CNTNAP2: variants seen among roughly 807,000 people sequenced by gnomAD.
The protein encoded by CNTNAP2 is contactin associated protein 2, also known as contactin-associated protein-like 2.
Under a neutral mutation model 155.2 loss-of-function variants are expected in CNTNAP2, and 98 were observed. The ratio of observed to expected loss-of-function variants is 0.63; its 90% CI spans 0.54 to 0.75. The LOEUF is 0.75. Ranked by LOEUF, CNTNAP2 falls within the 30% of genes least tolerant of loss-of-function variation. The pLI is 0.00. For missense variants in CNTNAP2, 1,727 were observed against 1,688.1 expected (o/e 1.02, Z -0.40); for synonymous variants, 651 against 631.2 (o/e 1.03, Z -0.47).
At chr7:148,301,669 T>G (rs1441667775) in intron 21 of CNTNAP2, among the ~76,000 whole-genome samples, 3 of 152,194 alleles carry the variant, frequency 2.0e-5, no homozygotes, top group Non-Finnish European at 2.9e-5. Context: ...TTTGTGGAGA[T>G]AGAACTGGAC....
intron 3 of CNTNAP2, among the ~76,000 whole-genome samples, chr7:146,999,419 A>T: frequency 6.6e-6 from 1 of 151,852 alleles, no homozygotes; most frequent in East Asian, 1.9e-4. Flanking sequence ...GTCATATTAA[A>T]ATGTTTGGTT....
intron 3 of CNTNAP2, among the ~76,000 whole-genome samples, chr7:147,022,596 C>T (rs571176339): frequency 7.1e-6 from 1 of 141,630 alleles, no homozygotes; most frequent in Non-Finnish European, 1.5e-5. Flanking sequence ...TATACACATA[C>T]ACAAACACAT....
intron 1 of CNTNAP2, among the ~76,000 whole-genome samples, chr7:146,292,802 G>A (rs568776656): frequency 2.0e-4 from 30 of 152,154 alleles, no homozygotes; most frequent in Non-Finnish European, 4.3e-4. Flanking sequence ...ATACTCTCAC[G>A]TATATGTGGA....
At chr7:147,455,315 A>G (rs1797901405) in intron 10 of CNTNAP2, among the ~76,000 whole-genome samples, 1 of 152,164 alleles carries the variant, frequency 6.6e-6, no homozygotes, top group Non-Finnish European at 1.5e-5. Context: ...GAACAAAGGT[A>G]CAATTATTAC....
chr7:146,612,881 G>A (rs1799161110), intron 1 of CNTNAP2, among the ~76,000 whole-genome samples: 1 of 148,200 alleles, frequency 6.7e-6, no homozygotes, highest in Non-Finnish European at 1.5e-5. Context: ...CTTGTTCAAT[G>A]TTGTTTAATC....
intron 1 of CNTNAP2, among the ~76,000 whole-genome samples, chr7:146,412,071 G>T (rs1795874556): frequency 6.6e-6 from 1 of 152,060 alleles, no homozygotes; most frequent in African/African-American, 2.4e-5. Flanking sequence ...GACCTCCAGT[G>T]ATCCACTCAC....
intron 4 of CNTNAP2, among the ~76,000 whole-genome samples, chr7:147,050,429 T>G (rs534752804): frequency 1.3e-5 from 2 of 152,320 alleles, no homozygotes; most frequent in East Asian, 1.9e-4. Flanking sequence ...ACATCGAAAC[T>G]AATTTTTATA....
intron 18 of CNTNAP2, among the ~76,000 whole-genome samples, chr7:148,181,654 G>A (rs560163627): frequency 1.0e-4 from 15 of 148,724 alleles, no homozygotes; most frequent in South Asian, 2.1e-4. Context: ...CAAGTCCTCC[G>A]TAAACTGTTC....
intron 4 of CNTNAP2, among the ~76,000 whole-genome samples, chr7:147,078,018 C>T (rs1204985425): frequency 6.6e-6 from 1 of 152,170 alleles, no homozygotes; most frequent in Non-Finnish European, 1.5e-5. Context: ...TTGTCTATGA[C>T]ATCTGATATA....
chr7:148,000,732 C>G (rs376714230), intron 15 of CNTNAP2, among the ~76,000 whole-genome samples: 13 of 152,302 alleles, frequency 8.5e-5, no homozygotes, highest in East Asian at 1.9e-4. Context: ...CCATTACGGG[C>G]TGAGGACTTA....
chr7:148,008,675 C>T (rs1212168753), intron 15 of CNTNAP2, among the ~76,000 whole-genome samples: 6 of 152,228 alleles, frequency 3.9e-5, no homozygotes, highest in Non-Finnish European at 7.3e-5. Context: ...GTCACAACCA[C>T]CTTCCTTATT....
chr7:146,926,118 T>G (rs1006074538), intron 3 of CNTNAP2, among the ~76,000 whole-genome samples: 1 of 152,184 alleles, frequency 6.6e-6, no homozygotes, highest in Non-Finnish European at 1.5e-5. Flanking sequence ...ACATGGCCTT[T>G]GGATTACAAT....
At position 148,267,033 on chromosome 7, in the gene CNTNAP2, C is replaced by G; in HGVS notation, c.3382C>G (p.Leu1128Val). 1 of 1,614,040 alleles carries G rather than the reference C, an allele frequency of 6.2e-7. No homozygotes were observed. Among genetic ancestry groups the G allele is most frequent in the Non-Finnish European group, 8.5e-7 (1 of 1,179,884 alleles). ...TRHEKTIFLK[L>V]DHYPSVSYHL... is the part of the protein sequence containing the mutation. Reference sequence around the variant, plus strand: ...AGTGTCTCTTGTTTTCCTCCTGCAGCTCGATCATTATCCTTCTGTGAGTTA... The same window carrying G: ...AGTGTCTCTTGTTTTCCTCCTGCAGGTCGATCATTATCCTTCTGTGAGTTA... The change falls in exon 21 of 24, where the codon CTC becomes GTC. Residue 1128 changes from leucine (L) to valine (V), a missense_variant and splice_region_variant. Physicochemically the swap from Leu to Val is conservative, Grantham distance 32. Transcript: ENST00000361727.
intron 13 of CNTNAP2, among the ~76,000 whole-genome samples, chr7:147,742,492 G>T (rs1796971316): frequency 6.6e-6 from 1 of 152,194 alleles, no homozygotes; most frequent in Non-Finnish European, 1.5e-5. Flanking sequence ...GTGCACAAGT[G>T]TCAGAGCATA....
intron 13 of CNTNAP2, among the ~76,000 whole-genome samples, chr7:147,885,940 G>A (rs1799593131): frequency 6.6e-6 from 1 of 152,172 alleles, no homozygotes; most frequent in African/African-American, 2.4e-5. Flanking sequence ...AACACAAATA[G>A]GGAACAAATA....
intron 1 of CNTNAP2, among the ~76,000 whole-genome samples, chr7:146,368,407 T>TTGGTATGGTA (rs1271358436): frequency 6.6e-6 from 1 of 152,034 alleles, no homozygotes; most frequent in Non-Finnish European, 1.5e-5. Flanking sequence ...ACATCCCAGA[T>TTGGTATGGTA]TGGTATGGTA....
At position 148,099,414 on chromosome 7, in the gene CNTNAP2, A is replaced by T. The variant is rs540757157; in HGVS notation, c.2384-18704A>T. ...TGAGAATTCCTTGCAAGAAAAAAGCATTGCAATTGTGTGTGTGTGTGTGTG... is the reference window on the plus strand; with the variant it reads ...TGAGAATTCCTTGCAAGAAAAAAGCTTTGCAATTGTGTGTGTGTGTGTGTG... On this transcript the variant is annotated intron_variant, in intron 15 of 23. Transcript: ENST00000361727. Among the ~76,000 whole-genome samples the T allele has an allele frequency of 5.3e-3, 698 of 131,074 alleles. 8 individuals carry two copies. The highest frequency in any genetic ancestry group is 0.023 in the African/African-American group (657 of 28,828). 86.0% of individuals were successfully genotyped at this position (131,074 alleles called of 152,430 possible).
intron 13 of CNTNAP2, among the ~76,000 whole-genome samples, chr7:147,759,896 C>T (rs1317634254): frequency 3.3e-5 from 5 of 152,048 alleles, no homozygotes; most frequent in African/African-American, 1.2e-4. Context: ...CTAGATACAC[C>T]CCGTAAAAAG....
intron 21 of CNTNAP2, among the ~76,000 whole-genome samples, chr7:148,330,993 G>A (rs911502535): frequency 6.7e-6 from 1 of 149,852 alleles, no homozygotes; most frequent in African/African-American, 2.5e-5. Flanking sequence ...TGGAATGAAC[G>A]CATGGAATGA....
Sources: gnomAD v4.1 joint callset for allele counts (sites outside exome capture counted in the v4.1 genomes callset) on GRCh38, gnomAD v4.1.1 for gene constraint, MANE v1.5 for transcripts, NCBI Gene and HGNC (gene_info 2026-07-23, HGNC 2026-07-21) for gene names.